TCAIM: variants seen among roughly 807,000 people sequenced by gnomAD.
TCAIM encodes T-cell activation inhibitor, mitochondrial.
A neutral mutation model predicts 58.6 loss-of-function variants in TCAIM; 36 were observed. That is an observed-to-expected ratio of 0.61 (90% CI 0.47 to 0.81). The LOEUF (loss-of-function observed/expected upper bound fraction) is 0.81. Among genes scored for constraint, TCAIM ranks in the 30% least tolerant of loss-of-function variants. The probability of loss-of-function intolerance (pLI) is 0.00; values close to 1 mark genes in which losing one functional copy is unlikely to be tolerated. For missense variants in TCAIM, 466 were observed against 579.6 expected (o/e 0.80, Z 2.01); for synonymous variants, 172 against 193.6 (o/e 0.89, Z 0.93).
At chr3:44,349,880 C>T (rs1464879347) in intron 1 of TCAIM, among the ~76,000 whole-genome samples, 1 of 152,132 alleles carries the variant, frequency 6.6e-6, no homozygotes, top group Non-Finnish European at 1.5e-5. Flanking sequence ...AGGCCGCTTA[C>T]CCGATTTAAA....
Position 44,396,817 on chromosome 3 carries a change from C to A in TCAIM, c.868C>A (p.His290Asn). ...TGTGATGCTAGGAACAATGGATGTC[C>A]ATCACCACTGGACAAAAGTAAGAAA... ...GHVMLGTMDVHHHWTKLFERL... is the reference protein window; with the variant it reads ...GHVMLGTMDVNHHWTKLFERL... Residue 290 changes from histidine (H) to asparagine (N), a missense_variant, in exon 8 of 11, where the codon CAT becomes AAT. Coordinates refer to ENST00000342649, the MANE Select transcript of TCAIM (RefSeq NM_173826.4). 1.2e-6 allele frequency: 2 copies of A among 1,613,890 alleles called. No homozygotes were observed. Among genetic ancestry groups the A allele is most frequent in the South Asian group, 1.1e-5 (1 of 91,042 alleles).
chr3:44,358,556 C>T, intron 3 of TCAIM: 2 of 340,798 alleles, frequency 5.9e-6, no homozygotes, highest in Non-Finnish European at 1.0e-5. Flanking sequence ...ATAGCACTTA[C>T]ATTATATTAG....
Position 44,400,551 on chromosome 3 carries a change from C to T in TCAIM, c.1082C>T (p.Pro361Leu), listed in dbSNP as rs1702006949. ...RLLKSRILFH[P>L]RSLRGLQMIL... ...TTGAAAAGTAGAATACTATTTCACC[C>T]TCGAAGTTTGCGTGGTTTACAAATG... is the stretch of plus-strand genomic sequence containing the variant. The change falls in exon 9 of 11, where the codon CCT (proline) becomes CTT (leucine). Residue 361 changes from proline (P) to leucine (L), a missense_variant. Physicochemically the swap from Pro to Leu is moderately conservative, Grantham distance 98 (BLOSUM62 -3). Transcript: ENST00000342649. The T allele has an allele frequency of 6.2e-7, 1 of 1,613,278 alleles. No homozygotes were observed. The highest frequency in any genetic ancestry group is 1.3e-5 in the African/African-American group (1 of 74,890).
At chr3:44,378,720 A>G (rs1007572854) in intron 5 of TCAIM, among the ~76,000 whole-genome samples, 9 of 151,926 alleles carry the variant, frequency 5.9e-5, no homozygotes, top group Admixed American at 5.9e-4. Flanking sequence ...CTGAGGCAGG[A>G]GAATTGCTTG....
At chr3:44,397,322 A>C (rs1701950852) in intron 8 of TCAIM, among the ~76,000 whole-genome samples, 1 of 152,124 alleles carries the variant, frequency 6.6e-6, no homozygotes, top group Non-Finnish European at 1.5e-5. Context: ...CCCCTCTCCA[A>C]GCAACCACTG....
intron 5 of TCAIM, among the ~76,000 whole-genome samples, chr3:44,382,877 A>C (rs1233758489): frequency 6.6e-6 from 1 of 152,112 alleles, no homozygotes; most frequent in Non-Finnish European, 1.5e-5. Flanking sequence ...TAAATAAAGA[A>C]CTCCTAAAAC....
chr3:44,338,264 C>G (rs530942879), upstream of TCAIM: 1 of 152,470 alleles, frequency 6.6e-6, no homozygotes, highest in East Asian at 1.9e-4. Context: ...TCGGAGTGCT[C>G]GCTCGCGCCT....
intron 5 of TCAIM, among the ~76,000 whole-genome samples, chr3:44,371,350 GC>G (rs1393678168): frequency 6.6e-6 from 1 of 152,130 alleles, no homozygotes; most frequent in Non-Finnish European, 1.5e-5. Context: ...GAGCCACCAT[GC>G]CCGGCTAGAT....
At chr3:44,400,856 A>G (rs2125656653) in intron 9 of TCAIM, 1 of 504,226 alleles carries the variant, frequency 2.0e-6, no homozygotes, top group East Asian at 3.7e-5. Flanking sequence ...ATAAGATTAA[A>G]CTAATAGTAA....
intron 5 of TCAIM, among the ~76,000 whole-genome samples, chr3:44,379,510 G>T (rs943872463): frequency 2.0e-5 from 3 of 152,100 alleles, no homozygotes; most frequent in African/African-American, 7.2e-5. Context: ...AGGGAAATGT[G>T]GTACATATAC....
At chr3:44,367,846 A>T in intron 5 of TCAIM, 138 bp downstream of exon 5, 1 of 817,236 alleles carries the variant, frequency 1.2e-6, no homozygotes, top group Non-Finnish European at 1.8e-6. Context: ...TTTTCCAGGA[A>T]AAGTAATACT....
chr3:44,362,692 C>T lies in TCAIM; in HGVS notation c.319+1174C>T, dbSNP rs1189663728. On this transcript the variant is annotated intron_variant, in intron 4 of 10. Coordinates refer to ENST00000342649, the MANE Select transcript of TCAIM (RefSeq NM_173826.4). ...AATTCATAGCCCTTTTGTGAAGGAA[C>T]AGGTATACTGAAGAATGCTGTAAAT... The T allele has an allele frequency of 5.7e-5, 19 of 331,078 alleles. No homozygotes were observed. The East Asian group carries it at 8.5e-4, about 15-fold the overall frequency. The allele number at this position is 331,078 out of a possible 1,614,324, so 20.5% of individuals were successfully genotyped here.
intron 1 of TCAIM, among the ~76,000 whole-genome samples, chr3:44,348,095 A>G (rs371289298): frequency 6.1e-4 from 93 of 152,352 alleles, no homozygotes; most frequent in African/African-American, 2.1e-3. Context: ...TAAGAGGTTT[A>G]GAAGCCTGGC....
chr3:44,397,201 T>C (rs1456571398), intron 8 of TCAIM, among the ~76,000 whole-genome samples: 2 of 152,174 alleles, frequency 1.3e-5, no homozygotes, highest in Non-Finnish European at 2.9e-5. Flanking sequence ...TTTTGACATA[T>C]TATGTATGCC....
At position 44,396,439 on chromosome 3, in the gene TCAIM, G is replaced by GC; in HGVS notation, c.736dup (p.Leu246ProfsTer3). On this transcript the variant is annotated frameshift_variant, in exon 7 of 11. Transcript: ENST00000342649. LOFTEE classifies it high-confidence loss of function. Reference sequence around the variant, plus strand: ...GGGGCATCGCCCACCGCTGTAGCCAGCTGCATAGTTTAAGCCGCTTAGCAC... The same window carrying GC: ...GGGGCATCGCCCACCGCTGTAGCCAGCCTGCATAGTTTAAGCCGCTTAGCAC... 6 of 1,613,906 alleles carry GC rather than the reference G, an allele frequency of 3.7e-6. No homozygotes were observed. Among genetic ancestry groups the GC allele is most frequent in the Non-Finnish European group, 5.1e-6 (6 of 1,179,970 alleles).
chr3:44,377,274 A>G (rs1701581094), intron 5 of TCAIM, among the ~76,000 whole-genome samples: 1 of 152,118 alleles, frequency 6.6e-6, no homozygotes, highest in Non-Finnish European at 1.5e-5. Context: ...ATTACAAGAG[A>G]AAAGAAGATT....
rs570176763 is a variant in TCAIM at position 44,395,976 on chromosome 3, G to A, written c.696-424G>A. On this transcript the variant is annotated intron_variant, in intron 6 of 10. Transcript: ENST00000342649. Reference sequence around the variant, plus strand: ...CACTCCCGCCTGGGCGACAGAGTGAGACTCTGTCTCAAAAACAAAAAAGAG... The same window carrying A: ...CACTCCCGCCTGGGCGACAGAGTGAAACTCTGTCTCAAAAACAAAAAAGAG... Among the ~76,000 whole-genome samples the A allele has an allele frequency of 3.9e-5, 6 of 152,358 alleles. No individual in the cohort carries two copies. The South Asian group carries it at 1.2e-3, about 32-fold the overall frequency.
chr3:44,377,038 C>T (rs978979962), intron 5 of TCAIM, among the ~76,000 whole-genome samples: 2 of 152,088 alleles, frequency 1.3e-5, no homozygotes, highest in African/African-American at 2.4e-5. Context: ...TGCAGTGAGC[C>T]GTGATCATGC....
rs1701933708 is a variant in TCAIM at position 44,396,332 on chromosome 3, T to A, written c.696-68T>A. ...TTGGCTTTCCAAGGACTCCAGTAGT[T>A]GTGGTGGGTGCTCGCTCCGTCTTCA... On this transcript the variant is annotated intron_variant, in intron 6 of 10. Transcript: ENST00000342649. 4 of 1,366,570 alleles carry A rather than the reference T, an allele frequency of 2.9e-6. No homozygotes were observed. The African/African-American group carries it at 5.8e-5, about 20-fold the overall frequency. 84.7% of individuals were successfully genotyped at this position (1,366,570 alleles called of 1,614,324 possible).
Sources: allele counts gnomAD v4.1 joint callset (sites outside exome capture counted in the v4.1 genomes callset), GRCh38; gene constraint gnomAD v4.1.1; transcripts MANE v1.5; gene names NCBI Gene and HGNC (gene_info 2026-07-23, HGNC 2026-07-21).